Variants in IMMP2L observed in about 807,000 individuals in gnomAD.
IMMP2L encodes the protein mitochondrial inner membrane protease subunit 2.
IMMP2L carries 18 observed loss-of-function variants against 19.3 expected under a neutral mutation model. The observed-to-expected ratio is 0.93, with a 90% CI of 0.64 to 1.38. The LOEUF is 1.38. IMMP2L is among the 40% of genes most tolerant of loss of function. The probability of loss-of-function intolerance (pLI) is 0.00; values close to 1 mark genes in which losing one functional copy is unlikely to be tolerated. For missense variants in IMMP2L, 233 were observed against 218.2 expected, an observed-to-expected ratio of 1.07 and a Z score of -0.43; for synonymous variants, 76 against 73.0, an observed-to-expected ratio of 1.04 and a Z score of -0.21.
chr7:110,750,218 A>C (rs1444608738), intron 5 of IMMP2L, among the ~76,000 whole-genome samples: 2 of 151,872 alleles, frequency 1.3e-5, no homozygotes, highest in African/African-American at 2.4e-5. Context: ...CTTCAGAAAC[A>C]CATCAATACA....
At chr7:111,060,140 A>T (rs923644142) in intron 3 of IMMP2L, among the ~76,000 whole-genome samples, 1 of 152,216 alleles carries the variant, frequency 6.6e-6, no homozygotes, top group Non-Finnish European at 1.5e-5. Flanking sequence ...GCAAATTTTT[A>T]AAAAATAAAT....
intron 2 of IMMP2L, among the ~76,000 whole-genome samples, chr7:111,495,173 T>A (rs1211404126): frequency 6.6e-6 from 1 of 152,138 alleles, no homozygotes; most frequent in Non-Finnish European, 1.5e-5. Flanking sequence ...CATTTAAAAA[T>A]CTAACAGTTC....
At chr7:111,081,472 C>T (rs1047929251) in intron 3 of IMMP2L, among the ~76,000 whole-genome samples, 2 of 152,156 alleles carry the variant, frequency 1.3e-5, no homozygotes, top group Admixed American at 1.3e-4. Context: ...TAACAGTGGT[C>T]TTCCAAAGAG....
chr7:111,100,700 A>C (rs1269854087), intron 3 of IMMP2L, among the ~76,000 whole-genome samples: 2 of 151,324 alleles, frequency 1.3e-5, no homozygotes, highest in Non-Finnish European at 3.0e-5. Context: ...AACTGGATTA[A>C]GGTTTTTTTG....
rs539002152 is a variant in IMMP2L at position 111,042,659 on chromosome 7, C to T, written c.240-79094G>A. Among the ~76,000 whole-genome samples, 8 of 152,262 alleles carry T rather than the reference C, an allele frequency of 5.3e-5. No individual in the cohort carries two copies. The South Asian group carries it at 1.7e-3, about 32-fold the overall frequency. Reference sequence around the variant, plus strand: ...CATGCTTGATCTATTTTATACTCCGCCTAAAATCTTAGTTCTGCCTAAGAG... The same window carrying T: ...CATGCTTGATCTATTTTATACTCCGTCTAAAATCTTAGTTCTGCCTAAGAG... On this transcript the variant is annotated intron_variant, in intron 3 of 5. Transcript: ENST00000405709.
At chr7:110,980,227 C>CTTCTT (rs1357424350) in intron 3 of IMMP2L, among the ~76,000 whole-genome samples, 3 of 91,904 alleles carry the variant, frequency 3.3e-5, no homozygotes, top group South Asian at 3.7e-4. Context: ...TGTGCTGCTT[C>CTTCTT]TTTTTTTTTT....
chr7:111,243,175 C>G (rs111858889), intron 3 of IMMP2L, among the ~76,000 whole-genome samples: 4,099 of 152,118 alleles, frequency 0.027, 193 homozygotes, highest in African/African-American at 0.093. Flanking sequence ...CGTTGCCTTG[C>G]TCACCAGCCA....
chr7:111,231,713 A>G (rs1363345057), intron 3 of IMMP2L, among the ~76,000 whole-genome samples: 2 of 152,064 alleles, frequency 1.3e-5, no homozygotes, highest in Admixed American at 1.3e-4. Flanking sequence ...AAGTGAATGA[A>G]TAAATGATGA....
intron 3 of IMMP2L, among the ~76,000 whole-genome samples, chr7:111,332,675 T>C (rs1353553464): frequency 6.6e-6 from 1 of 152,026 alleles, no homozygotes; most frequent in Non-Finnish European, 1.5e-5. Flanking sequence ...AGGTAGATTT[T>C]ATGAATATAT....
intron 1 of IMMP2L, among the ~76,000 whole-genome samples, chr7:111,534,640 A>T (rs903334534): frequency 6.6e-6 from 1 of 152,182 alleles, no homozygotes; most frequent in Non-Finnish European, 1.5e-5. Flanking sequence ...TTTCTGCTAC[A>T]ATAGCTATTT....
chr7:110,859,909 C>T (rs764864), intron 5 of IMMP2L, among the ~76,000 whole-genome samples: 61,385 of 151,866 alleles, frequency 0.4, 13,377 homozygotes, highest in East Asian at 0.7. Context: ...CAATCATACT[C>T]ATAAAAAATT....
chr7:111,083,165 C>T (rs754779577), intron 3 of IMMP2L, among the ~76,000 whole-genome samples: 8 of 151,820 alleles, frequency 5.3e-5, no homozygotes, highest in Admixed American at 1.3e-4. Context: ...AGTTTCAGGA[C>T]GACACAATAA....
At chr7:111,338,321 C>T (rs1056498375) in intron 3 of IMMP2L, among the ~76,000 whole-genome samples, 9 of 151,930 alleles carry the variant, frequency 5.9e-5, no homozygotes, top group African/African-American at 1.7e-4. Context: ...CTCCTTAGCA[C>T]GTTCCTCCCC....
intron 3 of IMMP2L, among the ~76,000 whole-genome samples, chr7:111,264,575 G>T (rs2079203171): frequency 6.6e-6 from 1 of 151,816 alleles, no homozygotes; most frequent in African/African-American, 2.4e-5. Context: ...AGGCTGGATA[G>T]CAGCACTATT....
chr7:111,498,527 TA>T lies in IMMP2L; in HGVS notation c.136-11187del, dbSNP rs952447739. Among the ~76,000 whole-genome samples, 437 of 142,660 alleles carry T rather than the reference TA, an allele frequency of 3.1e-3. 1 individual carries two copies. Among genetic ancestry groups the T allele is most frequent in the African/African-American group, 8.3e-3 (324 of 39,074 alleles). 93.6% of individuals were successfully genotyped at this position (142,660 alleles called of 152,430 possible). A position where few individuals can be genotyped will look rare whatever the true frequency, so the allele number is the denominator to read the frequency against. The stretch of plus-strand genomic sequence containing the variant: ...CCACTTTTCTGTCTCCTAACCTAAT[TA>T]AAAAAAAAAAGGTCATAGTAAGGTG... On this transcript the variant is annotated intron_variant, in intron 2 of 5. Coordinates refer to ENST00000405709, the MANE Select transcript of IMMP2L (RefSeq NM_032549.4).
intron 3 of IMMP2L, among the ~76,000 whole-genome samples, chr7:111,017,146 C>T (rs138016002): frequency 6.6e-6 from 1 of 150,426 alleles, no homozygotes; most frequent in African/African-American, 2.4e-5. Context: ...GGGCTCACTG[C>T]AGCCTCAACC....
chr7:110,747,988 T>C (rs994016841), intron 5 of IMMP2L, among the ~76,000 whole-genome samples: 1 of 152,170 alleles, frequency 6.6e-6, no homozygotes, highest in Non-Finnish European at 1.5e-5. Context: ...TGATTGTATA[T>C]TCAGAAAACC....
intron 5 of IMMP2L, among the ~76,000 whole-genome samples, chr7:110,751,427 T>G (rs1797712702): frequency 1.3e-5 from 2 of 152,094 alleles, no homozygotes; most frequent in South Asian, 2.1e-4. Flanking sequence ...ACAAACAATC[T>G]TTTAGAAAGC....
intron 3 of IMMP2L, among the ~76,000 whole-genome samples, chr7:111,443,158 A>C (rs1035837922): frequency 6.6e-6 from 1 of 151,860 alleles, no homozygotes; most frequent in African/African-American, 2.4e-5. Flanking sequence ...AGGTTATCTC[A>C]TTCAATCCCC....
Sources: gnomAD v4.1 joint callset for allele counts (sites outside exome capture counted in the v4.1 genomes callset) on GRCh38, gnomAD v4.1.1 for gene constraint, MANE v1.5 for transcripts, NCBI Gene and HGNC (gene_info 2026-07-23, HGNC 2026-07-21) for gene names.